ELOVL7: variants seen among roughly 807,000 people sequenced by gnomAD.
The protein encoded by ELOVL7 is ELOVL fatty acid elongase 7.
A neutral mutation model predicts 35.7 loss-of-function variants in ELOVL7; 27 were observed. The ratio of observed to expected loss-of-function variants is 0.76; its 90% confidence interval spans 0.56 to 1.04. The LOEUF is 1.04. ELOVL7 is among the 50% of genes least tolerant of loss of function. The probability of loss-of-function intolerance (pLI) is 0.00; values close to 1 mark genes in which losing one functional copy is unlikely to be tolerated. For missense variants in ELOVL7, 327 were observed against 340.8 expected (o/e 0.96, Z 0.32); for synonymous variants, 113 against 114.6 (o/e 0.99, Z 0.09).
At position 60,753,300 on chromosome 5, in the gene ELOVL7, A is replaced by G. The variant is rs1285537925; in HGVS notation, c.*1324T>C. 6.6e-6 allele frequency: 1 copy of G among 152,200 alleles called. No individual in the cohort carries two copies. Among genetic ancestry groups the G allele is most frequent in the Non-Finnish European group, 1.5e-5 (1 of 68,026 alleles). The allele number at this position is 152,200 out of a possible 1,614,324, so 9.4% of individuals were successfully genotyped here. ...TGACTAATAGTTTTGATTCTCTGAC[A>G]AGAAAATGTAAAAATAACAGAAAGA... On this transcript the variant is annotated 3_prime_UTR_variant, in exon 9 of 9. Coordinates refer to ENST00000508821, the MANE Select transcript of ELOVL7 (RefSeq NM_024930.3).
chr5:60,815,534 G>A (rs1200042429), intron 1 of ELOVL7, among the ~76,000 whole-genome samples: 4 of 133,172 alleles, frequency 3.0e-5, no homozygotes, highest in Non-Finnish European at 6.5e-5. Flanking sequence ...TCAAATACAC[G>A]CAATAAAATT....
chr5:60,802,477 C>T (rs184013624), intron 1 of ELOVL7: 2 of 152,106 alleles, frequency 1.3e-5, no homozygotes, highest in African/African-American at 4.8e-5. Flanking sequence ...CACTCAGGAA[C>T]GATAAGGCAT....
chr5:60,800,825 T>G (rs76641655), intron 1 of ELOVL7, among the ~76,000 whole-genome samples: 5,333 of 152,314 alleles, frequency 0.035, 116 homozygotes, highest in Non-Finnish European at 0.048. Context: ...GAGGGCCAAT[T>G]GTACATATTT....
chr5:60,763,323 G>A (rs532454558), intron 7 of ELOVL7, among the ~76,000 whole-genome samples: 24 of 152,156 alleles, frequency 1.6e-4, no homozygotes, highest in Non-Finnish European at 2.5e-4. Context: ...CATGCTCTGA[G>A]ACATGTAGAT....
At chr5:60,799,662 C>G (rs1232484924) in intron 1 of ELOVL7, among the ~76,000 whole-genome samples, 2 of 152,130 alleles carry the variant, frequency 1.3e-5, no homozygotes, top group Non-Finnish European at 2.9e-5. Context: ...GTAAGGAGAT[C>G]AAGTCAGTAA....
chr5:60,777,109 G>T (rs1284784495), intron 3 of ELOVL7, among the ~76,000 whole-genome samples: 1 of 151,768 alleles, frequency 6.6e-6, no homozygotes, highest in Non-Finnish European at 1.5e-5. Flanking sequence ...GGTACTAGGG[G>T]GGTTGGGGGG....
chr5:60,768,722 A>C (rs1343962312), intron 4 of ELOVL7: 1 of 455,908 alleles, frequency 2.2e-6, no homozygotes, highest in Admixed American at 2.4e-5. Flanking sequence ...CTCTGATTTT[A>C]ACTTAACACA....
At chr5:60,811,106 T>G (rs558592987) in intron 1 of ELOVL7, among the ~76,000 whole-genome samples, 1 of 152,346 alleles carries the variant, frequency 6.6e-6, no homozygotes, top group South Asian at 2.1e-4. Flanking sequence ...TCAAAAGATC[T>G]TCTTTACTGA....
rs774514081 is a variant in ELOVL7, at chr5:60,766,575, G to A, written c.392C>T (p.Thr131Met). 2.3e-5 allele frequency: 37 copies of A among 1,610,874 alleles called. No homozygotes were observed. In the East Asian group the frequency reaches 4.7e-4, roughly 20 times the overall value. Residue 131 changes from threonine to methionine, a missense_variant and splice_region_variant, in exon 6 of 9, where the codon ACG becomes ATG. Transcript: ENST00000508821. Reference protein sequence around the residue: ...YFSKFIELLDTIFFVLRKKNS... With the variant: ...YFSKFIELLDMIFFVLRKKNS... The stretch of plus-strand genomic sequence containing the variant: ...CAAATGTGGTGGCCATATACTCACC[G>A]TATCTAATAGCTCAATAAATTTGGA...
intron 8 of ELOVL7, among the ~76,000 whole-genome samples, chr5:60,756,132 AG>A (rs5868252): frequency 0.19 from 28,632 of 152,120 alleles, 4,885 homozygotes; most frequent in African/African-American, 0.46. Context: ...TGTGTATAAT[AG>A]ACATATTTGA....
chr5:60,799,051 A>G (rs972054054), intron 2 of ELOVL7, 129 bp downstream of exon 2: 2 of 152,044 alleles, frequency 1.3e-5, no homozygotes, highest in Non-Finnish European at 2.9e-5. Context: ...CAATAACAGG[A>G]AGAAAACTGG....
intron 3 of ELOVL7, among the ~76,000 whole-genome samples, chr5:60,774,840 A>T (rs1426743620): frequency 6.9e-6 from 1 of 145,362 alleles, no homozygotes; most frequent in Admixed American, 7.1e-5. Context: ...ATCTTGGTTC[A>T]CTGCAACCTC....
chr5:60,796,563 G>T (rs918278201), intron 2 of ELOVL7, among the ~76,000 whole-genome samples: 1 of 152,154 alleles, frequency 6.6e-6, no homozygotes, highest in Non-Finnish European at 1.5e-5. Context: ...CCCAAGTTGA[G>T]AACTATTGTT....
At chr5:60,841,102 T>A (rs1747141588) in intron 1 of ELOVL7, among the ~76,000 whole-genome samples, 1 of 150,560 alleles carries the variant, frequency 6.6e-6, no homozygotes, top group Admixed American at 6.6e-5. Context: ...CTCAGCTCAC[T>A]GCAACCTCTG....
chr5:60,768,288 T>C (rs1015387564), intron 4 of ELOVL7, among the ~76,000 whole-genome samples: 2 of 152,208 alleles, frequency 1.3e-5, no homozygotes, highest in South Asian at 2.1e-4. Context: ...AAGGGAACAC[T>C]TGGATCTGAA....
At chr5:60,793,629 A>G (rs1317607048) in intron 2 of ELOVL7, among the ~76,000 whole-genome samples, 1 of 152,154 alleles carries the variant, frequency 6.6e-6, no homozygotes, top group East Asian at 1.9e-4. Context: ...TGGACCTCCT[A>G]CAAAGTGAGC....
intron 3 of ELOVL7, among the ~76,000 whole-genome samples, chr5:60,778,770 C>T (rs1003751598): frequency 1.3e-5 from 2 of 152,158 alleles, no homozygotes; most frequent in African/African-American, 4.8e-5. Flanking sequence ...TCATGCCTTC[C>T]GAACAATCCC....
intron 3 of ELOVL7, among the ~76,000 whole-genome samples, chr5:60,775,884 AAACCT>A (rs1465493471): frequency 3.0e-4 from 45 of 152,320 alleles, no homozygotes; most frequent in African/African-American, 1.1e-3. Flanking sequence ...TCCCAGGAGA[AAACCT>A]AACCTAGGAA....
chr5:60,773,512 C>A lies in ELOVL7; in HGVS notation c.65-1419G>T, dbSNP rs1172778388. On this transcript the variant is annotated intron_variant, in intron 3 of 8. Transcript: ENST00000508821. ...CAGATGTGCATGGGTGATTATTCTG[C>A]ATTCAAATAAGCCTCCCTCAAAAAT... Among the ~76,000 whole-genome samples, 5 of 152,094 alleles carry A rather than the reference C, an allele frequency of 3.3e-5. No individual in the cohort carries two copies. In the East Asian group the frequency reaches 5.8e-4, roughly 18 times the overall value.
Sources: allele counts gnomAD v4.1 joint callset (sites outside exome capture counted in the v4.1 genomes callset), GRCh38; gene constraint gnomAD v4.1.1; transcripts MANE v1.5; gene names NCBI Gene and HGNC (gene_info 2026-07-23, HGNC 2026-07-21).